The following EYS variants were observed in gnomAD, a reference collection of about 807,000 sequenced individuals.
EYS encodes the protein protein eyes shut homolog.
EYS carries 250 observed loss-of-function variants against 282.1 expected under a neutral mutation model. The ratio of observed to expected loss-of-function variants is 0.89; its 90% CI spans 0.80 to 0.98. The LOEUF is 0.98. Ranked by LOEUF, EYS falls within the 50% of genes least tolerant of loss-of-function variation. The probability of loss-of-function intolerance (pLI) is 0.00; values close to 1 mark genes in which losing one functional copy is unlikely to be tolerated. For missense variants in EYS, 4,016 were observed against 3,709.0 expected (o/e 1.08, Z -2.15); for synonymous variants, 1,355 against 1,282.9 (o/e 1.06, Z -1.20).
rs556439758 is a variant in EYS at position 64,565,955 on chromosome 6, T to TA, written c.5644+24267dup. 8.4e-3 allele frequency among the ~76,000 whole-genome samples: 1,120 copies of TA among 133,250 alleles called. 4 individuals are homozygous for TA. Among genetic ancestry groups the TA allele is most frequent in the African/African-American group, 0.019 (701 of 37,130 alleles). The allele number at this position is 133,250 out of a possible 152,430, so 87.4% of individuals were successfully genotyped here. A position where few individuals can be genotyped will look rare whatever the true frequency, so the allele number is the denominator to read the frequency against. ...GAAAAGAAAAAGAAATCATACAAAT[T>TA]AAAAAAAAAAAAAACACCAAGCATT... On this transcript the variant is annotated intron_variant, in intron 26 of 42. Transcript: ENST00000503581.
At chr6:64,384,255 G>GGATTCACTA (rs1195424441) in intron 29 of EYS, among the ~76,000 whole-genome samples, 8 of 151,908 alleles carry the variant, frequency 5.3e-5, no homozygotes, top group African/African-American at 1.9e-4. Context: ...ATTTCCAAAT[G>GGATTCACTA]GATTCACTAG....
chr6:64,794,505 G>T (rs553505061), intron 22 of EYS, among the ~76,000 whole-genome samples: 1 of 152,208 alleles, frequency 6.6e-6, no homozygotes, highest in African/African-American at 2.4e-5. Context: ...GTGAAGATGT[G>T]CCTACTTCTC....
chr6:65,432,443 G>T (rs1156693707), intron 5 of EYS, among the ~76,000 whole-genome samples: 1 of 152,094 alleles, frequency 6.6e-6, no homozygotes, highest in East Asian at 1.9e-4. Context: ...AGATGCAGAC[G>T]AGTATTACGA....
chr6:64,897,190 C>A (rs763873812), intron 18 of EYS, among the ~76,000 whole-genome samples: 7 of 152,104 alleles, frequency 4.6e-5, no homozygotes, highest in Non-Finnish European at 8.8e-5. Flanking sequence ...CGACAGACAC[C>A]TCATACAGGA....
intron 2 of EYS, among the ~76,000 whole-genome samples, chr6:65,498,727 G>A (rs776216951): frequency 2.6e-5 from 4 of 151,830 alleles, no homozygotes; most frequent in Admixed American, 1.3e-4. Flanking sequence ...AATACAAAAT[G>A]CTTTGGATTT....
intron 12 of EYS, among the ~76,000 whole-genome samples, chr6:65,237,291 A>G (rs990252465): frequency 2.0e-5 from 3 of 152,242 alleles, no homozygotes; most frequent in Admixed American, 1.3e-4. Flanking sequence ...TATAAAGTCT[A>G]TCATCATGAA....
chr6:64,054,057 T>C (rs1156988965), intron 33 of EYS, among the ~76,000 whole-genome samples: 1 of 152,220 alleles, frequency 6.6e-6, no homozygotes, highest in African/African-American at 2.4e-5. Context: ...ATTGTGTTGA[T>C]TTAGTTTCAC....
At chr6:65,392,239 A>C (rs1159216268) in intron 7 of EYS, among the ~76,000 whole-genome samples, 3 of 151,722 alleles carry the variant, frequency 2.0e-5, no homozygotes, top group Non-Finnish European at 4.4e-5. Flanking sequence ...CCTAGGCATT[A>C]CCATTCAGGA....
At chr6:64,983,021 T>C (rs1253631410) in intron 14 of EYS, among the ~76,000 whole-genome samples, 6 of 151,258 alleles carry the variant, frequency 4.0e-5, no homozygotes, top group African/African-American at 7.3e-5. Flanking sequence ...ATTAAATAAA[T>C]AGATATCATG....
intron 9 of EYS, among the ~76,000 whole-genome samples, chr6:65,347,888 C>G (rs1420060896): frequency 6.6e-6 from 1 of 151,452 alleles, no homozygotes; most frequent in African/African-American, 2.4e-5. Flanking sequence ...CACTATCCTT[C>G]CAAACCTCTG....
chr6:64,196,260 A>C (rs1214381771), intron 31 of EYS, among the ~76,000 whole-genome samples: 3 of 152,206 alleles, frequency 2.0e-5, no homozygotes, highest in African/African-American at 7.2e-5. Context: ...GCTAGAGAGG[A>C]TGTGGAGAAA....
chr6:63,872,801 T>A (rs796922230), intron 35 of EYS, among the ~76,000 whole-genome samples: 1 of 151,934 alleles, frequency 6.6e-6, no homozygotes, highest in African/African-American at 2.4e-5. Flanking sequence ...TAATGTACTC[T>A]TTGCATCTTA....
chr6:65,285,070 G>A (rs1768323012), intron 12 of EYS, among the ~76,000 whole-genome samples: 2 of 151,930 alleles, frequency 1.3e-5, no homozygotes, highest in East Asian at 1.9e-4. Context: ...AAAGAAAAAA[G>A]AATGACATGT....
intron 31 of EYS, among the ~76,000 whole-genome samples, chr6:64,206,927 T>G (rs1414619589): frequency 6.6e-6 from 1 of 152,122 alleles, no homozygotes; most frequent in Non-Finnish European, 1.5e-5. Context: ...ACCCAGGTAT[T>G]AAGCCTAATA....
intron 2 of EYS, among the ~76,000 whole-genome samples, chr6:65,504,982 T>C (rs1300182914): frequency 6.6e-6 from 1 of 151,812 alleles, no homozygotes; most frequent in Non-Finnish European, 1.5e-5. Context: ...TTATGAAGAA[T>C]TGGCATCATT....
rs375567651 is a variant in EYS, at chr6:65,620,163, G to A, written c.-333+19615C>T. Reference sequence around the variant, plus strand: ...CCTCCTTGTACCTCTGGTAGAATTCGGCTGTGAATCCATCTGGCCCTGGAC... The same window carrying A: ...CCTCCTTGTACCTCTGGTAGAATTCAGCTGTGAATCCATCTGGCCCTGGAC... On this transcript the variant is annotated intron_variant, in intron 2 of 42. Transcript: ENST00000503581. 3.8e-3 allele frequency among the ~76,000 whole-genome samples: 571 copies of A among 152,186 alleles called. 4 individuals carry two copies. Among genetic ancestry groups the A allele is most frequent in the East Asian group, 0.02 (103 of 5,166 alleles).
chr6:65,195,952 C>A (rs191610689), intron 12 of EYS, among the ~76,000 whole-genome samples: 1 of 152,134 alleles, frequency 6.6e-6, no homozygotes, highest in Admixed American at 6.6e-5. Flanking sequence ...GAATATCAAC[C>A]AGCCAGTCAT....
intron 41 of EYS, among the ~76,000 whole-genome samples, chr6:63,728,924 ATTG>A (rs757021150): frequency 1.3e-5 from 2 of 152,136 alleles, no homozygotes; most frequent in East Asian, 1.9e-4. Context: ...GTCTTCCAAA[ATTG>A]TTGTACAATT....
intron 18 of EYS, among the ~76,000 whole-genome samples, chr6:64,888,365 CA>C (rs956555414): frequency 6.6e-6 from 1 of 151,716 alleles, no homozygotes; most frequent in Admixed American, 6.6e-5. Flanking sequence ...AACGAATGAA[CA>C]AATGTGCTGT....
Sources: gnomAD v4.1 joint callset for allele counts (sites outside exome capture counted in the v4.1 genomes callset) on GRCh38, gnomAD v4.1.1 for gene constraint, MANE v1.5 for transcripts, NCBI Gene and HGNC (gene_info 2026-07-23, HGNC 2026-07-21) for gene names.